Variants in LRRTM4 observed in about 807,000 individuals in gnomAD.
LRRTM4 encodes leucine-rich repeat transmembrane neuronal protein 4.
Under a neutral mutation model 47.6 loss-of-function variants are expected in LRRTM4, and 25 were observed. The observed-to-expected ratio is 0.53, with a 90% CI of 0.38 to 0.73. The LOEUF is 0.73. Ranked by LOEUF, LRRTM4 falls within the 30% of genes least tolerant of loss-of-function variation. The pLI is 0.00. For synonymous variants in LRRTM4, 311 were observed against 269.5 expected, an observed-to-expected ratio of 1.15 and a Z score of -1.51; for missense variants, 638 against 713.4, an observed-to-expected ratio of 0.89 and a Z score of 1.20.
intron 3 of LRRTM4, among the ~76,000 whole-genome samples, chr2:77,087,089 T>C (rs977998473): frequency 6.6e-6 from 1 of 152,084 alleles, no homozygotes; most frequent in Non-Finnish European, 1.5e-5. Context: ...AAGCAACCAG[T>C]GTATAGCTGC....
chr2:76,851,643 T>A (rs1671998062), intron 3 of LRRTM4, among the ~76,000 whole-genome samples: 1 of 152,094 alleles, frequency 6.6e-6, no homozygotes, highest in Non-Finnish European at 1.5e-5. Flanking sequence ...CAGGGCTCAA[T>A]TTTCTTATTA....
At chr2:76,841,557 T>A (rs1671683119) in intron 3 of LRRTM4, among the ~76,000 whole-genome samples, 1 of 151,872 alleles carries the variant, frequency 6.6e-6, no homozygotes, top group Admixed American at 6.6e-5. Flanking sequence ...AAAATACTTC[T>A]AAATCCTTAA....
intron 3 of LRRTM4, among the ~76,000 whole-genome samples, chr2:76,782,627 C>T (rs1360594293): frequency 6.6e-6 from 1 of 152,132 alleles, no homozygotes; most frequent in African/African-American, 2.4e-5. Context: ...TGATGCCCTG[C>T]ACGGGTCTGT....
At chr2:76,824,192 A>C (rs1344499430) in intron 3 of LRRTM4, among the ~76,000 whole-genome samples, 2 of 151,580 alleles carry the variant, frequency 1.3e-5, no homozygotes, top group African/African-American at 2.4e-5. Flanking sequence ...TTTTTTCAAC[A>C]ATCTATTAAT....
chr2:77,303,835 G>T (rs575689032), intron 3 of LRRTM4, among the ~76,000 whole-genome samples: 2 of 151,862 alleles, frequency 1.3e-5, no homozygotes, highest in African/African-American at 2.4e-5. Flanking sequence ...TATATATCAC[G>T]TTATCTTTAT....
At chr2:77,345,375 GA>G (rs1315270214) in intron 3 of LRRTM4, among the ~76,000 whole-genome samples, 1 of 151,676 alleles carries the variant, frequency 6.6e-6, no homozygotes, top group East Asian at 1.9e-4. Flanking sequence ...CCAAAGTGTG[GA>G]AAAAATATTT....
chr2:77,519,319 C>T lies in LRRTM4; in HGVS notation c.550G>A (p.Asp184Asn). ...CGATTGTAACCCAAATCCAAAAAATCAAGATTCCGACAGTCTTGAAAAACT... is the reference window on the plus strand; with the variant it reads ...CGATTGTAACCCAAATCCAAAAAATTAAGATTCCGACAGTCTTGAAAAACT... Reference protein sequence around the residue: ...IRVFQDCRNLDFLDLGYNRLR... With the variant: ...IRVFQDCRNLNFLDLGYNRLR... The change falls in exon 3 of 4, where the codon GAT becomes AAT. Residue 184 changes from aspartate to asparagine, a missense_variant. Transcript: ENST00000409884. This position sits in a 1 kb window ranked among gnomAD's most constrained non-coding sequence, Gnocchi z 4.6. The T allele has an allele frequency of 6.2e-7, 1 of 1,613,448 alleles. No homozygotes were observed. The highest frequency in any genetic ancestry group is 8.5e-7 in the Non-Finnish European group (1 of 1,179,604).
intron 3 of LRRTM4, among the ~76,000 whole-genome samples, chr2:77,139,806 C>A (rs1324399437): frequency 6.6e-6 from 1 of 152,116 alleles, no homozygotes; most frequent in African/African-American, 2.4e-5. Context: ...GTGCAAAAAT[C>A]ACAAGCATTC....
At chr2:77,047,126 T>G (rs1679261067) in intron 3 of LRRTM4, among the ~76,000 whole-genome samples, 1 of 152,034 alleles carries the variant, frequency 6.6e-6, no homozygotes, top group Admixed American at 6.6e-5. Context: ...TACTACATCT[T>G]CAGACATCTT....
At chr2:77,295,496 T>C (rs1245987242) in intron 3 of LRRTM4, among the ~76,000 whole-genome samples, 2 of 152,326 alleles carry the variant, frequency 1.3e-5, no homozygotes, top group African/African-American at 2.4e-5. Context: ...GGAAAATTGC[T>C]ATATTTGACT....
intron 3 of LRRTM4, among the ~76,000 whole-genome samples, chr2:76,767,942 A>G (rs547820844): frequency 6.6e-6 from 1 of 152,306 alleles, no homozygotes; most frequent in Admixed American, 6.5e-5. Context: ...CTGGGATTTA[A>G]TGAAATGTTA....
chr2:77,290,344 A>AAAAT (rs145507321), intron 3 of LRRTM4, among the ~76,000 whole-genome samples: 17,320 of 151,650 alleles, frequency 0.11, 1,999 homozygotes, highest in African/African-American at 0.29. Context: ...GTGGGAGGTA[A>AAAAT]AAATAAATAA....
At chr2:76,754,098 A>G (rs1162740151) in intron 3 of LRRTM4, among the ~76,000 whole-genome samples, 1 of 152,194 alleles carries the variant, frequency 6.6e-6, no homozygotes, top group Non-Finnish European at 1.5e-5. Flanking sequence ...GTGTCTAACT[A>G]CTCAGGGCAT....
At chr2:76,768,493 AT>A (rs1456855759) in intron 3 of LRRTM4, among the ~76,000 whole-genome samples, 1 of 152,158 alleles carries the variant, frequency 6.6e-6, no homozygotes, top group African/African-American at 2.4e-5. Flanking sequence ...AGAGGTATAA[AT>A]ACTCTTTCTA....
At chr2:77,283,684 G>C (rs1008437657) in intron 3 of LRRTM4, among the ~76,000 whole-genome samples, 23 of 151,998 alleles carry the variant, frequency 1.5e-4, no homozygotes, top group African/African-American at 5.3e-4. Context: ...CATGGATGCA[G>C]CTGGAGGCCA....
intron 3 of LRRTM4, among the ~76,000 whole-genome samples, chr2:77,408,902 C>T (rs552067778): frequency 1.3e-5 from 2 of 152,280 alleles, no homozygotes; most frequent in Admixed American, 6.5e-5. Context: ...TCATAAATCA[C>T]ATATACATGT....
intron 3 of LRRTM4, among the ~76,000 whole-genome samples, chr2:76,930,922 C>A (rs1162585419): frequency 6.6e-6 from 1 of 151,970 alleles, no homozygotes; most frequent in Admixed American, 6.6e-5. Flanking sequence ...AGATGGTAGC[C>A]AAATCATTTT....
intron 3 of LRRTM4, among the ~76,000 whole-genome samples, chr2:76,958,740 C>T (rs529019583): frequency 1.5e-3 from 227 of 151,814 alleles, no homozygotes; most frequent in Admixed American, 2.1e-3. Flanking sequence ...TAAACTGATA[C>T]ATAGAGTACC....
At chr2:76,817,680 C>T (rs1670940140) in intron 3 of LRRTM4, among the ~76,000 whole-genome samples, 1 of 151,910 alleles carries the variant, frequency 6.6e-6, no homozygotes, top group Non-Finnish European at 1.5e-5. Flanking sequence ...TATGACTACT[C>T]AACTTCCCTG....
Sources: gnomAD v4.1 joint callset for allele counts (sites outside exome capture counted in the v4.1 genomes callset) on GRCh38, gnomAD v4.1.1 for gene constraint, Gnocchi (gnomAD v3.1) non-coding constraint, MANE v1.5 for transcripts, NCBI Gene and HGNC (gene_info 2026-07-23, HGNC 2026-07-21) for gene names.